NCK2: variants seen among roughly 807,000 people sequenced by gnomAD.
NCK2 encodes the protein NCK adaptor protein 2.
A neutral mutation model predicts 33.9 loss-of-function variants in NCK2; 16 were observed. That is an observed-to-expected ratio of 0.47 (90% CI 0.32 to 0.72). The LOEUF is 0.72. Among genes scored for constraint, NCK2 ranks in the 30% least tolerant of loss-of-function variants. The pLI, the probability that NCK2 is intolerant of heterozygous loss-of-function variation, is 0.03. For missense variants in NCK2, 418 were observed against 537.3 expected, an observed-to-expected ratio of 0.78 and a Z score of 2.19; for synonymous variants, 273 against 239.9, an observed-to-expected ratio of 1.14 and a Z score of -1.27.
chr2:105,759,636 T>G (rs993139544), intron 1 of NCK2, among the ~76,000 whole-genome samples: 1 of 152,244 alleles, frequency 6.6e-6, no homozygotes, highest in Non-Finnish European at 1.5e-5. Flanking sequence ...TTACATCTAA[T>G]GAACCAGTAT....
chr2:105,874,795 A>G (rs1026192446), intron 3 of NCK2, among the ~76,000 whole-genome samples: 1 of 152,222 alleles, frequency 6.6e-6, no homozygotes, highest in Non-Finnish European at 1.5e-5. Flanking sequence ...AATGTATGAC[A>G]TATTCAGGCT....
Position 105,825,098 on chromosome 2 carries a change from C to T in NCK2, c.-17+8485C>T, listed in dbSNP as rs1573161954. ...GAGGTAGACATGGCCTGGCTCCTGC[C>T]TCCTCCTCTCCCTCCAGGCTTTGGA... On this transcript the variant is annotated intron_variant, in intron 2 of 4. Transcript: ENST00000233154. Among the ~76,000 whole-genome samples, 4 of 152,256 alleles carry T rather than the reference C, an allele frequency of 2.6e-5. No homozygotes were observed. In the Middle Eastern group the frequency reaches 0.014, roughly 518 times the overall value.
At chr2:105,750,068 A>ACACACACACACACACACACAC (rs1553449505) in intron 1 of NCK2, among the ~76,000 whole-genome samples, 4 of 151,262 alleles carry the variant, frequency 2.6e-5, no homozygotes, top group East Asian at 2.0e-4. Context: ...ACACACACAC[A>ACACACACACACACACACACAC]AAACAACAAC....
intron 1 of NCK2, among the ~76,000 whole-genome samples, chr2:105,750,691 A>C (rs1689429111): frequency 6.6e-6 from 1 of 152,244 alleles, no homozygotes; most frequent in Non-Finnish European, 1.5e-5. Context: ...AGAGAGAGAA[A>C]AATCTTGACT....
At chr2:105,755,776 G>C (rs1223785794) in intron 1 of NCK2, among the ~76,000 whole-genome samples, 2 of 151,316 alleles carry the variant, frequency 1.3e-5, no homozygotes, top group African/African-American at 4.9e-5. Context: ...TCTTAGCTCA[G>C]AAGCCTTACG....
At position 105,883,590 on chromosome 2, in the gene NCK2, T is replaced by C. The variant is rs546896343; in HGVS notation, c.948+1541T>C. Among the ~76,000 whole-genome samples, 109 of 152,302 alleles carry C rather than the reference T, an allele frequency of 7.2e-4. 1 individual carries two copies. In the South Asian group the frequency reaches 0.021, roughly 29 times the overall value. On this transcript the variant is annotated intron_variant, in intron 4 of 4. Transcript: ENST00000233154. The stretch of plus-strand genomic sequence containing the variant: ...TGAAAAAGGTGTTCTCCGGGGTTGC[T>C]GGCCTTAGGGAGGACCTATGGCTTT...
chr2:105,873,720 A>T (rs1383998636), intron 3 of NCK2, among the ~76,000 whole-genome samples: 1 of 152,114 alleles, frequency 6.6e-6, no homozygotes, highest in Non-Finnish European at 1.5e-5. Flanking sequence ...ACTGAAGGGG[A>T]AAAAAAGAAA....
chr2:105,867,304 G>T (rs1677803372), intron 3 of NCK2, among the ~76,000 whole-genome samples: 1 of 152,092 alleles, frequency 6.6e-6, no homozygotes, highest in African/African-American at 2.4e-5. Flanking sequence ...GTATGAACAT[G>T]AATTAAATAT....
intron 1 of NCK2, among the ~76,000 whole-genome samples, chr2:105,763,906 G>A (rs184073551): frequency 6.6e-6 from 1 of 152,326 alleles, no homozygotes; most frequent in East Asian, 1.9e-4. Flanking sequence ...GTTCCCTTAC[G>A]ATGATGGACT....
intron 1 of NCK2, among the ~76,000 whole-genome samples, chr2:105,773,071 A>G (rs1367045942): frequency 6.7e-6 from 1 of 148,656 alleles, no homozygotes; most frequent in East Asian, 2.0e-4. Flanking sequence ...TTTTTTTTTT[A>G]ATTTTTCTGT....
rs568459467 is a variant in NCK2, at chr2:105,855,625, T to C, written c.226+336T>C. 9.5e-4 allele frequency: 209 copies of C among 219,062 alleles called. 1 individual carries two copies. Among genetic ancestry groups the C allele is most frequent in the Non-Finnish European group, 1.5e-3 (165 of 107,626 alleles). 13.6% of individuals were successfully genotyped at this position (219,062 alleles called of 1,614,324 possible). A position where few individuals can be genotyped will look rare whatever the true frequency, so the allele number is the denominator to read the frequency against. On this transcript the variant is annotated intron_variant, in intron 3 of 4. Coordinates refer to ENST00000233154, the MANE Select transcript of NCK2 (RefSeq NM_003581.5). ...ACCCAGCTCTGCCAGTGTCGTGACA[T>C]GAAGTTCTTTCTCTCTTATACAATC...
intron 1 of NCK2, among the ~76,000 whole-genome samples, chr2:105,776,363 G>A (rs922225342): frequency 2.0e-5 from 3 of 152,236 alleles, no homozygotes; most frequent in Non-Finnish European, 4.4e-5. Context: ...AAGCACGTTT[G>A]GGGGAGGGAG....
intron 1 of NCK2, among the ~76,000 whole-genome samples, chr2:105,797,110 C>T (rs956606489): frequency 6.6e-6 from 1 of 152,120 alleles, no homozygotes; most frequent in African/African-American, 2.4e-5. Context: ...GCCTTTGACT[C>T]ACAGTTTGTA....
chr2:105,812,003 G>A (rs1675309466), intron 1 of NCK2, among the ~76,000 whole-genome samples: 1 of 152,040 alleles, frequency 6.6e-6, no homozygotes, highest in Non-Finnish European at 1.5e-5. Flanking sequence ...CCACTCTTTG[G>A]CTTTCTAGAG....
intron 2 of NCK2, chr2:105,854,561 ATTTTCT>A (rs1304549902): frequency 6.6e-6 from 1 of 152,110 alleles, no homozygotes; most frequent in Non-Finnish European, 1.5e-5. Flanking sequence ...ATTTCCATTA[ATTTTCT>A]TTTTCTGTTT....
intron 2 of NCK2, among the ~76,000 whole-genome samples, chr2:105,828,309 C>G (rs1341793260): frequency 6.6e-6 from 1 of 152,076 alleles, no homozygotes; most frequent in Non-Finnish European, 1.5e-5. Flanking sequence ...TTTCCCTGTT[C>G]CCTGCTTTGG....
intron 1 of NCK2, among the ~76,000 whole-genome samples, chr2:105,807,750 C>T: frequency 9.1e-6 from 1 of 109,734 alleles, no homozygotes; most frequent in Non-Finnish European, 1.9e-5. Flanking sequence ...TCCTTCCTTC[C>T]CTCCCTCCCT....
Position 105,881,308 on chromosome 2 carries a change from G to A in NCK2, c.227-20G>A. Reference sequence around the variant, plus strand: ...GTGCCCAAGTGCCCTGCGCCACTGAGCCTTGCTGTGTCTCCACAGGCCTCG... The same window carrying A: ...GTGCCCAAGTGCCCTGCGCCACTGAACCTTGCTGTGTCTCCACAGGCCTCG... On this transcript the variant is annotated intron_variant, in intron 3 of 4. Transcript: ENST00000233154. The A allele has an allele frequency of 1.9e-6, 3 of 1,569,316 alleles. No individual in the cohort carries two copies. In the South Asian group the frequency reaches 3.5e-5, roughly 18 times the overall value.
At chr2:105,818,431 A>T (rs1675588460) in intron 2 of NCK2, among the ~76,000 whole-genome samples, 1 of 151,868 alleles carries the variant, frequency 6.6e-6, no homozygotes, top group Admixed American at 6.6e-5. Flanking sequence ...AGTGTAATAA[A>T]AATATATATA....
Sources: allele counts gnomAD v4.1 joint callset (sites outside exome capture counted in the v4.1 genomes callset), GRCh38; gene constraint gnomAD v4.1.1; transcripts MANE v1.5; gene names NCBI Gene and HGNC (gene_info 2026-07-23, HGNC 2026-07-21).